The following CHTF18 variants were observed in gnomAD, a reference collection of about 807,000 sequenced individuals.
CHTF18 encodes chromosome transmission fidelity factor 18.
Under a neutral mutation model 113.4 loss-of-function variants are expected in CHTF18, and 151 were observed. The ratio of observed to expected loss-of-function variants is 1.33; its 90% CI spans 1.17 to 1.52. The LOEUF (loss-of-function observed/expected upper bound fraction) is 1.52, where lower values mean the gene tolerates loss of function less well. CHTF18 is among the 40% of genes most tolerant of loss of function. CHTF18 has a pLI of 0.00. For synonymous variants in CHTF18, 916 were observed against 598.8 expected (o/e 1.53, Z -7.74); for missense variants, 1,982 against 1,381.6 (o/e 1.43, Z -6.89).
In CHTF18 at chr16:796,918, G is replaced by A. The variant is rs560314568; in HGVS notation, c.2602-43G>A. On this transcript the variant is annotated intron_variant, in intron 19 of 21. Transcript: ENST00000262315. Reference sequence around the variant, plus strand: ...AGTCTGGGCGTGCACCATCCCCACTGTATCCCTGTGTGGCCAGATCTCACA... The same window carrying A: ...AGTCTGGGCGTGCACCATCCCCACTATATCCCTGTGTGGCCAGATCTCACA... 13 of 1,539,116 alleles carry A rather than the reference G, an allele frequency of 8.4e-6. No individual in the cohort carries two copies. In the South Asian group the frequency reaches 1.1e-4, roughly 13 times the overall value.
rs1413330064 is a variant in CHTF18, at chr16:793,170, G to C, written c.1698G>C (p.Glu566Asp). 1.2e-6 allele frequency: 2 copies of C among 1,606,396 alleles called. No individual in the cohort carries two copies. The highest frequency in any genetic ancestry group is 1.1e-5 in the South Asian group (1 of 89,944). ...LQFLYSRGQR[E>D]LSVRDVQATR... ...TCCTGTACAGCCGGGGCCAGCGGGA[G>C]CTGAGCGTGCGGGACGTGCAGGCCA... Residue 566 changes from glutamate (E) to aspartate (D), a missense_variant, in exon 14 of 22, where the codon GAG becomes GAC. By Grantham distance (45) the Glu-to-Asp change is conservative. Transcript: ENST00000262315.
At chr16:788,829 C>A in intron 1 of CHTF18, 54 bp downstream of exon 1, 3 of 1,550,062 alleles carry the variant, frequency 1.9e-6, no homozygotes, top group East Asian at 2.5e-5. Flanking sequence ...GGGACAGTGG[C>A]GACCTCGGGG....
At position 792,564 on chromosome 16, in the gene CHTF18, G is replaced by A. The variant is rs941675055; in HGVS notation, c.1452G>A (p.Arg484=). 9 of 1,596,574 alleles carry A rather than the reference G, an allele frequency of 5.6e-6. No individual in the cohort carries two copies. In the South Asian group the frequency reaches 7.9e-5, roughly 14 times the overall value. ...GGGCAGAGGGGGGGCTCCTCATGAG[G>A]CCCATTATCTGCATTTGCAATGACC... ...RRRAEGGLLM[R]PIICICNDQF... is the part of the protein sequence containing the mutation. Residue 484 remains arginine (R), a synonymous_variant, in exon 11 of 22, where the codon AGG becomes AGA. Coordinates refer to ENST00000262315, the MANE Select transcript of CHTF18 (RefSeq NM_022092.3).
chr16:792,139 A>C, intron 9 of CHTF18, 85 bp from the exon 10 acceptor site: 1 of 1,525,518 alleles, frequency 6.6e-7, no homozygotes, highest in Non-Finnish European at 8.8e-7. Flanking sequence ...GACGGTCTCC[A>C]CGCAAATGCG....
chr16:792,528 C>G lies in CHTF18; in HGVS notation c.1416C>G (p.Gly472=). 2 of 1,594,684 alleles carry G rather than the reference C, an allele frequency of 1.3e-6. No individual in the cohort carries two copies. Among genetic ancestry groups the G allele is most frequent in the Non-Finnish European group, 1.7e-6 (2 of 1,174,236 alleles). The change falls in exon 11 of 22, where the codon GGC becomes GGG. Residue 472 remains glycine, a synonymous_variant. Coordinates refer to ENST00000262315, the MANE Select transcript of CHTF18 (RefSeq NM_022092.3). The part of the protein sequence containing the change: ...PQGPAVPSGG[G]RRRRAEGGLL... ...GCCCGGCTGTGCCTTCGGGAGGCGGCCGACGGCGCCGGGCAGAGGGGGGGC... is the reference window on the plus strand; with the variant it reads ...GCCCGGCTGTGCCTTCGGGAGGCGGGCGACGGCGCCGGGCAGAGGGGGGGC...
rs1326073376 is a variant in CHTF18, at chr16:792,962, C to A, written c.1573-4C>A. ...CGGGCCCTCCAGCAGCCCTTCTCCA[C>A]CAGGTCTCCCTGCGGCAGGGCATGA... On this transcript the variant is annotated splice_region_variant and splice_polypyrimidine_tract_variant and intron_variant, in intron 12 of 21. Coordinates refer to ENST00000262315, the MANE Select transcript of CHTF18 (RefSeq NM_022092.3). 1.9e-6 allele frequency: 3 copies of A among 1,554,404 alleles called. No individual in the cohort carries two copies. The highest frequency in any genetic ancestry group is 1.4e-5 in the African/African-American group (1 of 73,284).
chr16:790,848 T>C, intron 7 of CHTF18, 182 bp downstream of exon 7: 5 of 1,431,790 alleles, frequency 3.5e-6, no homozygotes, highest in Non-Finnish European at 4.6e-6. Flanking sequence ...TGGTCCCCTG[T>C]GACCTGTGAG....
rs2042322982 is a variant in CHTF18 at position 795,675 on chromosome 16, C to T, written c.2176-10C>T. 6.3e-7 allele frequency: 1 copy of T among 1,582,876 alleles called. No individual in the cohort carries two copies. Among genetic ancestry groups the T allele is most frequent in the Non-Finnish European group, 8.6e-7 (1 of 1,168,814 alleles). Reference sequence around the variant, plus strand: ...CAGGTGACCAGGCCTTGGCTCACCCCCTGCCCCAGGCCCAGAACCGGATGA... The same window carrying T: ...CAGGTGACCAGGCCTTGGCTCACCCTCTGCCCCAGGCCCAGAACCGGATGA... On this transcript the variant is annotated splice_polypyrimidine_tract_variant and intron_variant, in intron 16 of 21. Transcript: ENST00000262315.
Position 794,167 on chromosome 16 carries a change from C to G in CHTF18, c.1916C>G (p.Ala639Gly), listed in dbSNP as rs747213470. 1 of 1,612,352 alleles carries G rather than the reference C, an allele frequency of 6.2e-7. No individual in the cohort carries two copies. Among genetic ancestry groups the G allele is most frequent in the South Asian group, 1.1e-5 (1 of 91,072 alleles). The change falls in exon 15 of 22, where the codon GCT becomes GGT. Residue 639 changes from alanine (A) to glycine (G), a missense_variant. Ala to Gly is a moderately conservative substitution (Grantham distance 60). Coordinates refer to ENST00000262315, the MANE Select transcript of CHTF18 (RefSeq NM_022092.3). ...SQRFYRVLHA[A>G]ASAGEHEKVV... ...CGATTCTACCGTGTCCTGCATGCCG[C>G]TGCCTCTGCGGGCGAGCACGAGAAG...
chr16:793,945 A>G, intron 14 of CHTF18, 109 bp from the exon 15 acceptor site: 1 of 1,285,926 alleles, frequency 7.8e-7, no homozygotes, highest in Non-Finnish European at 1.1e-6. Flanking sequence ...TGCTGAGAAG[A>G]ATGAAGTGGG....
At chr16:792,848 G>C in intron 12 of CHTF18, 37 bp downstream of exon 12, 1 of 1,535,242 alleles carries the variant, frequency 6.5e-7, no homozygotes, top group East Asian at 2.5e-5. Flanking sequence ...GCTGATGGCG[G>C]GGTTGGGGGC....
Position 792,819 on chromosome 16 carries a change from G to A in CHTF18, c.1572+8G>A. On this transcript the variant is annotated splice_region_variant and intron_variant, in intron 12 of 21. Coordinates refer to ENST00000262315, the MANE Select transcript of CHTF18 (RefSeq NM_022092.3). ...GTGCAGCGGCTCCAGGAGGTCGGTG[G>A]AGCCCCAGGAGCCGTGTGGCTGATG... is the stretch of plus-strand genomic sequence containing the variant. 6.5e-7 allele frequency: 1 copy of A among 1,539,158 alleles called. No homozygotes were observed. The highest frequency in any genetic ancestry group is 8.7e-7 in the Non-Finnish European group (1 of 1,146,194).
intron 2 of CHTF18, 35 bp from the exon 3 acceptor site, chr16:789,172 TGAG>T (rs2042087671): frequency 6.5e-7 from 1 of 1,549,918 alleles, no homozygotes; most frequent in East Asian, 2.4e-5. Flanking sequence ...GGCGCGAGGC[TGAG>T]GAGGCCTCTG....
intron 15 of CHTF18, 45 bp downstream of exon 15, chr16:794,246 G>A: frequency 6.3e-7 from 1 of 1,590,466 alleles, no homozygotes; most frequent in South Asian, 1.1e-5. Flanking sequence ...CGCCTGGCTA[G>A]GACCTGGGCT....
intron 18 of CHTF18, 55 bp from the exon 19 acceptor site, chr16:796,662 C>A: frequency 6.6e-7 from 1 of 1,516,252 alleles, no homozygotes; most frequent in Non-Finnish European, 8.8e-7. Context: ...CGGCGGCTCT[C>A]TGGCCCTGAG....
chr16:789,970 C>T (rs72759408), intron 4 of CHTF18: 40,016 of 1,533,788 alleles, frequency 0.026, 625 homozygotes, highest in Non-Finnish European at 0.03. Flanking sequence ...GCCCTTTCCT[C>T]CTTTCTCCTA....
At chr16:791,413 T>A in intron 8 of CHTF18, 43 bp downstream of exon 8, 1 of 1,544,012 alleles carries the variant, frequency 6.5e-7, no homozygotes, top group East Asian at 2.4e-5. Context: ...GCCTGAGGCT[T>A]TGCACTCGGC....
intron 18 of CHTF18, 82 bp downstream of exon 18, chr16:796,159 G>C (rs1291568487): frequency 1.3e-6 from 2 of 1,518,370 alleles, no homozygotes; most frequent in Non-Finnish European, 1.8e-6. Context: ...ATGGGGCCAG[G>C]AGTCTGAAAG....
chr16:791,570 G>A (rs2042196640), intron 8 of CHTF18, 200 bp downstream of exon 8: 2 of 1,433,922 alleles, frequency 1.4e-6, no homozygotes, highest in Non-Finnish European at 1.8e-6. Context: ...GAAGGGCTCT[G>A]CGGCTGGCCA....
Sources: allele counts gnomAD v4.1 joint callset, GRCh38; gene constraint gnomAD v4.1.1; transcripts MANE v1.5; gene names NCBI Gene and HGNC (gene_info 2026-07-23, HGNC 2026-07-21).